CATSPERG: variants seen among roughly 807,000 people sequenced by gnomAD.
CATSPERG encodes catsper channel auxiliary subunit gamma.
A neutral mutation model predicts 145.0 loss-of-function variants in CATSPERG; 115 were observed. The observed-to-expected ratio is 0.79, with a 90% CI of 0.68 to 0.93. CATSPERG has a LOEUF of 0.93. Ranked by LOEUF, CATSPERG falls within the 40% of genes least tolerant of loss-of-function variation. The pLI is 0.00. For missense variants in CATSPERG, 1,296 were observed against 1,490.1 expected (o/e 0.87, Z 2.14); for synonymous variants, 588 against 589.0 (o/e 1.00, Z 0.02).
Position 38,362,146 on chromosome 19 carries a change from C to T in CATSPERG, c.2095-64C>T, listed in dbSNP as rs939867685. 1.5e-5 allele frequency: 23 copies of T among 1,525,504 alleles called. No individual in the cohort carries two copies. The African/African-American group carries it at 1.8e-4, about 12-fold the overall frequency. The allele number at this position is 1,525,504 out of a possible 1,614,324, so 94.5% of individuals were successfully genotyped here. A position where few individuals can be genotyped will look rare whatever the true frequency, so the allele number is the denominator to read the frequency against. On this transcript the variant is annotated intron_variant, in intron 17 of 28. Transcript: ENST00000409235. ...GAGGCTAGGAGGTGGTCTGGGGATGCCGCTTGCCTGGAGGCTCTCGCCCCG... is the reference window on the plus strand; with the variant it reads ...GAGGCTAGGAGGTGGTCTGGGGATGTCGCTTGCCTGGAGGCTCTCGCCCCG...
At chr19:38,361,218 G>C (rs1446760264) in intron 16 of CATSPERG, among the ~76,000 whole-genome samples, 3 of 152,074 alleles carry the variant, frequency 2.0e-5, no homozygotes, top group Admixed American at 2.0e-4. Context: ...GAGGGTCTTG[G>C]GAGAGCCATG....
chr19:38,360,744 T>C lies in CATSPERG; in HGVS notation c.1781T>C (p.Met594Thr). ...DSKLYQLVYL[M>T]NNQKGQLVKR... Reference sequence around the variant, plus strand: ...TTCCCCCTGCAGCTGGTGTACCTTATGAACAACCAGAAGGGCCAGCTGGTC... The same window carrying C: ...TTCCCCCTGCAGCTGGTGTACCTTACGAACAACCAGAAGGGCCAGCTGGTC... The change falls in exon 16 of 29, where the codon ATG (methionine) becomes ACG (threonine). Residue 594 changes from methionine to threonine, a missense_variant. Transcript: ENST00000409235. 1 of 1,614,120 alleles carries C rather than the reference T, an allele frequency of 6.2e-7. No individual in the cohort carries two copies. Among genetic ancestry groups the C allele is most frequent in the Non-Finnish European group, 8.5e-7 (1 of 1,179,992 alleles).
chr19:38,337,856 C>T, intron 3 of CATSPERG: 1 of 449,338 alleles, frequency 2.2e-6, no homozygotes, highest in Admixed American at 3.7e-5. Context: ...GTAGCTGGAA[C>T]TACAGGCATG....
intron 22 of CATSPERG, chr19:38,366,710 T>C (rs1430931708): frequency 6.5e-6 from 1 of 154,068 alleles, no homozygotes; most frequent in Non-Finnish European, 1.4e-5. Context: ...TCTTTTTTTT[T>C]TTTTTTTTGA....
chr19:38,369,629 G>C (rs999236690), intron 26 of CATSPERG: 12 of 341,142 alleles, frequency 3.5e-5, no homozygotes, highest in Non-Finnish European at 6.2e-5. Context: ...TACCTAGTAA[G>C]TGCTCAAGCT....
intron 20 of CATSPERG, among the ~76,000 whole-genome samples, chr19:38,364,339 A>T (rs1970410088): frequency 6.6e-6 from 1 of 151,566 alleles, no homozygotes; most frequent in East Asian, 1.9e-4. Flanking sequence ...GCGACCGGAC[A>T]GAGGCGCTCC....
In CATSPERG at chr19:38,359,579, G is replaced by A; in HGVS notation, c.1606G>A (p.Glu536Lys). The A allele has an allele frequency of 6.2e-7, 1 of 1,611,426 alleles. No individual in the cohort carries two copies. Among genetic ancestry groups the A allele is most frequent in the Non-Finnish European group, 8.5e-7 (1 of 1,178,828 alleles). ...GAVAIVTETE[E>K]IWYLLEGSYR... is the part of the protein sequence containing the mutation. ...TGTGGCTATTGTCACAGAGACGGAG[G>A]AGGTGGGCTGCCCCGCCCCTCTCCC... is the stretch of plus-strand genomic sequence containing the variant. The change falls in exon 14 of 29, where the codon GAG becomes AAG. Residue 536 changes from glutamate (E) to lysine (K), a missense_variant and splice_region_variant. Coordinates refer to ENST00000409235, the MANE Select transcript of CATSPERG (RefSeq NM_021185.5).
chr19:38,361,069 AG>A (rs1970336193), intron 16 of CATSPERG, among the ~76,000 whole-genome samples: 1 of 152,160 alleles, frequency 6.6e-6, no homozygotes, highest in Non-Finnish European at 1.5e-5. Flanking sequence ...CACTGTGGCA[AG>A]AAGGGTGAGG....
intron 5 of CATSPERG, 50 bp from the exon 6 acceptor site, chr19:38,344,246 A>T: frequency 6.5e-7 from 1 of 1,541,946 alleles, no homozygotes. Flanking sequence ...CGAGCTGTGG[A>T]ACCCCTGACA....
At chr19:38,352,930 G>A (rs757843951) in intron 8 of CATSPERG, among the ~76,000 whole-genome samples, 5 of 151,428 alleles carry the variant, frequency 3.3e-5, no homozygotes, top group Non-Finnish European at 7.4e-5. Context: ...AGAGGCTGAC[G>A]GGAGGGGGCA....
chr19:38,350,191 C>G (rs868304524), intron 7 of CATSPERG, among the ~76,000 whole-genome samples: 1 of 152,146 alleles, frequency 6.6e-6, no homozygotes, highest in South Asian at 2.1e-4. Context: ...GCAAGGGACA[C>G]TGGGTGGTAC....
In CATSPERG at chr19:38,370,801, C is replaced by G; in HGVS notation, c.*9C>G. Reference sequence around the variant, plus strand: ...GACAGTTGATGACCTGAGTGTCCCACCTGCCCCAGCCCCCAGTTACTGTCA... The same window carrying G: ...GACAGTTGATGACCTGAGTGTCCCAGCTGCCCCAGCCCCCAGTTACTGTCA... On this transcript the variant is annotated 3_prime_UTR_variant, in exon 29 of 29. Transcript: ENST00000409235. 1 of 1,610,178 alleles carries G rather than the reference C, an allele frequency of 6.2e-7. No homozygotes were observed. Among genetic ancestry groups the G allele is most frequent in the Non-Finnish European group, 8.5e-7 (1 of 1,176,952 alleles).
intron 26 of CATSPERG, among the ~76,000 whole-genome samples, 184 bp from the exon 27 acceptor site, chr19:38,369,788 C>A (rs1355228175): frequency 6.6e-6 from 1 of 152,118 alleles, no homozygotes; most frequent in Non-Finnish European, 1.5e-5. Context: ...AATGAGTAGA[C>A]AACCTGTGGC....
intron 20 of CATSPERG, among the ~76,000 whole-genome samples, 162 bp from the exon 21 acceptor site, chr19:38,364,729 G>A (rs943513129): frequency 2.0e-5 from 3 of 152,224 alleles, no homozygotes; most frequent in Non-Finnish European, 2.9e-5. Context: ...AGACCAGCCC[G>A]GCCAACACCC....
chr19:38,359,809 T>A (rs1185235696), intron 14 of CATSPERG: 3 of 1,282,540 alleles, frequency 2.3e-6, no homozygotes, highest in Non-Finnish European at 3.0e-6. Context: ...GAGGCGGCCC[T>A]CTTTCATCCC....
Position 38,335,845 on chromosome 19 carries a change from T to A in CATSPERG, c.-45T>A, listed in dbSNP as rs374830092. On this transcript the variant is annotated 5_prime_UTR_variant, in exon 1 of 29. Transcript: ENST00000409235. Reference sequence around the variant, plus strand: ...GAGGGGCGGGACTGGTGCGGCCGAGTGACAGTTGACCGGTTTTAACCAAGT... The same window carrying A: ...GAGGGGCGGGACTGGTGCGGCCGAGAGACAGTTGACCGGTTTTAACCAAGT... 2.2e-4 allele frequency: 42 copies of A among 189,492 alleles called. No homozygotes were observed. In the East Asian group the frequency reaches 7.4e-3, roughly 34 times the overall value. 11.7% of individuals were successfully genotyped at this position (189,492 alleles called of 1,614,324 possible). A position where few individuals can be genotyped will look rare whatever the true frequency, so the allele number is the denominator to read the frequency against.
intron 11 of CATSPERG, among the ~76,000 whole-genome samples, chr19:38,357,549 G>T (rs1292054788): frequency 6.6e-6 from 1 of 151,846 alleles, no homozygotes; most frequent in Admixed American, 6.6e-5. Context: ...AGGCGTGGTG[G>T]CTCGTGCTTA....
intron 1 of CATSPERG, chr19:38,336,405 G>A (rs987862537): frequency 8.5e-6 from 3 of 352,942 alleles, no homozygotes; most frequent in Non-Finnish European, 1.7e-5. Context: ...GAGAACCCGG[G>A]GAAGGAACGG....
At chr19:38,359,822 AGT>A (rs2145097610) in intron 14 of CATSPERG, 1 of 1,255,586 alleles carries the variant, frequency 8.0e-7, no homozygotes, top group African/African-American at 1.5e-5. Context: ...TTCATCCCAC[AGT>A]GTGGTCGTTC....
Sources: allele counts gnomAD v4.1 joint callset (sites outside exome capture counted in the v4.1 genomes callset), GRCh38; gene constraint gnomAD v4.1.1; transcripts MANE v1.5; gene names NCBI Gene and HGNC (gene_info 2026-07-23, HGNC 2026-07-21).